The following ASXL3 variants were observed in gnomAD, a reference collection of about 807,000 sequenced individuals.
ASXL3 encodes ASXL transcriptional regulator 3.
Under a neutral mutation model 170.6 loss-of-function variants are expected in ASXL3, and 34 were observed. The ratio of observed to expected loss-of-function variants is 0.20; its 90% CI spans 0.15 to 0.27. ASXL3 has a LOEUF of 0.27. ASXL3 is among the 10% of genes least tolerant of loss of function. The pLI is 1.00. For synonymous variants in ASXL3, 1,002 were observed against 989.1 expected (o/e 1.01, Z -0.24); for missense variants, 2,592 against 2,695.3 (o/e 0.96, Z 0.85).
At chr18:33,583,650 A>T (rs143940961) in intron 1 of ASXL3, among the ~76,000 whole-genome samples, 1 of 152,270 alleles carries the variant, frequency 6.6e-6, no homozygotes, top group African/African-American at 2.4e-5. Context: ...TCCTGCCGAC[A>T]TTAAGTTTTT....
chr18:33,745,873 A>C lies in ASXL3; in HGVS notation c.6025A>C (p.Met2009Leu), dbSNP rs766950276. 3 of 1,613,586 alleles carry C rather than the reference A, an allele frequency of 1.9e-6. No individual in the cohort carries two copies. In the Admixed American group the frequency reaches 5.0e-5, roughly 27 times the overall value. The change falls in exon 12 of 12, where the codon ATG (methionine) becomes CTG (leucine). Residue 2009 changes from methionine (M) to leucine (L), a missense_variant. Around this residue, in one of 4 missense-constraint regions of ASXL3, gnomAD observed 2,246 missense variants for 2,219.6 expected, o/e 1.01. Coordinates refer to ENST00000269197, the MANE Select transcript of ASXL3 (RefSeq NM_030632.3). The part of the protein sequence containing the change: ...GDEVGGTAHT[M>L]PNKALVHPPP... ...TGAGGTGGGAGGCACTGCACACACA[A>C]TGCCAAACAAAGCACTAGTACATCC...
chr18:33,588,071 A>G (rs1351449210), intron 1 of ASXL3, among the ~76,000 whole-genome samples: 2 of 151,790 alleles, frequency 1.3e-5, no homozygotes, highest in African/African-American at 2.4e-5. Context: ...ATGTGTGTGT[A>G]TATATATATA....
At chr18:33,599,337 T>C (rs1314511478) in intron 1 of ASXL3, among the ~76,000 whole-genome samples, 2 of 152,180 alleles carry the variant, frequency 1.3e-5, no homozygotes, top group Admixed American at 6.5e-5. Flanking sequence ...TGGACACTTA[T>C]AAACTGGGTG....
At chr18:33,697,846 A>AAG (rs1348956777) in intron 8 of ASXL3, among the ~76,000 whole-genome samples, 5 of 151,516 alleles carry the variant, frequency 3.3e-5, no homozygotes, top group Non-Finnish European at 7.4e-5. Flanking sequence ...TCTCAAAAAA[A>AAG]TCATAATAAT....
chr18:33,692,135 A>G (rs1316247374), intron 8 of ASXL3, among the ~76,000 whole-genome samples: 1 of 152,212 alleles, frequency 6.6e-6, no homozygotes, highest in African/African-American at 2.4e-5. Context: ...GTCTGTCAAC[A>G]CATAATTTGA....
At chr18:33,712,418 G>A (rs1332065876) in intron 8 of ASXL3, among the ~76,000 whole-genome samples, 3 of 152,156 alleles carry the variant, frequency 2.0e-5, no homozygotes, top group Non-Finnish European at 4.4e-5. Context: ...TTGCAGGCCT[G>A]AAAATAAAGA....
chr18:33,609,559 A>T (rs1278231317), intron 2 of ASXL3, among the ~76,000 whole-genome samples: 1 of 152,030 alleles, frequency 6.6e-6, no homozygotes, highest in Non-Finnish European at 1.5e-5. Flanking sequence ...GAGGGCTTTC[A>T]GCATGCATAG....
At chr18:33,645,150 A>G in intron 3 of ASXL3, 148 bp downstream of exon 3, 4 of 488,288 alleles carry the variant, frequency 8.2e-6, no homozygotes, top group African/African-American at 2.0e-5. Context: ...ATTTCATATT[A>G]AGAATAAACA....
At chr18:33,673,747 T>G (rs956758762) in intron 7 of ASXL3, among the ~76,000 whole-genome samples, 2 of 152,270 alleles carry the variant, frequency 1.3e-5, no homozygotes, top group Admixed American at 1.3e-4. Flanking sequence ...ATACTGAAAG[T>G]CAACTGAAAG....
At chr18:33,590,247 A>G (rs978029603) in intron 1 of ASXL3, among the ~76,000 whole-genome samples, 2 of 151,468 alleles carry the variant, frequency 1.3e-5, no homozygotes, top group Non-Finnish European at 2.9e-5. Context: ...ACGACAGCCT[A>G]AAGACAATCT....
chr18:33,707,075 T>A (rs566265675), intron 8 of ASXL3, among the ~76,000 whole-genome samples: 2 of 151,838 alleles, frequency 1.3e-5, no homozygotes, highest in South Asian at 4.1e-4. Context: ...AGCATCTATT[T>A]ATAGACACTG....
rs756275562 is a variant in ASXL3 at position 33,744,031 on chromosome 18, C to T, written c.4183C>T (p.Leu1395Phe). The T allele has an allele frequency of 1.2e-6, 2 of 1,614,028 alleles. No homozygotes were observed. Among genetic ancestry groups the T allele is most frequent in the East Asian group, 2.2e-5 (1 of 44,882 alleles). Residue 1395 changes from leucine to phenylalanine, a missense_variant, in exon 12 of 12, where the codon CTC becomes TTC. Physicochemically the swap from Leu to Phe is conservative, Grantham distance 22 (BLOSUM62 0). Coordinates refer to ENST00000269197, the MANE Select transcript of ASXL3 (RefSeq NM_030632.3). ...CATGGGTACCACTGTGAGAGCAGCC[C>T]TCAGCTGCAGTGATTCTGTAGCGGT... ...VSMGTTVRAA[L>F]SCSDSVAVTD...
Position 33,734,315 on chromosome 18 carries a change from T to G in ASXL3, c.982T>G (p.Phe328Val). The change falls in exon 10 of 12, where the codon TTT becomes GTT. Residue 328 changes from phenylalanine (F) to valine (V), a missense_variant. Physicochemically the swap from Phe to Val is conservative, Grantham distance 50. This residue lies in a region of ASXL3 where 73 missense variants were observed against 142.7 expected (regional missense o/e 0.51). Coordinates refer to ENST00000269197, the MANE Select transcript of ASXL3 (RefSeq NM_030632.3). ...GWKQRLAEGE[F>V]TPEMQLRIRQ... The stretch of plus-strand genomic sequence containing the variant: ...CATTAGCATTTTCTTTTTAGGAGAG[T>G]TTACCCCAGAAATGCAGTTGCGGAT... 1 of 1,597,626 alleles carries G rather than the reference T, an allele frequency of 6.3e-7. No individual in the cohort carries two copies. The highest frequency in any genetic ancestry group is 1.8e-5 in the Admixed American group (1 of 57,004).
At chr18:33,656,593 A>G (rs2066088023) in intron 4 of ASXL3, among the ~76,000 whole-genome samples, 1 of 152,060 alleles carries the variant, frequency 6.6e-6, no homozygotes, top group African/African-American at 2.4e-5. Flanking sequence ...TGACTTTTAA[A>G]TTTTATTTTT....
chr18:33,642,486 T>A (rs1007998616), intron 2 of ASXL3, among the ~76,000 whole-genome samples: 4 of 151,990 alleles, frequency 2.6e-5, no homozygotes, highest in Admixed American at 2.6e-4. Flanking sequence ...GTGATTTTAG[T>A]TGTAAAATTT....
chr18:33,598,997 C>G (rs943620110), intron 1 of ASXL3, among the ~76,000 whole-genome samples: 2 of 152,044 alleles, frequency 1.3e-5, no homozygotes, highest in Non-Finnish European at 2.9e-5. Context: ...ATTAAATGAA[C>G]TCATATGCAT....
intron 7 of ASXL3, among the ~76,000 whole-genome samples, chr18:33,680,554 G>C (rs2066498968): frequency 6.6e-6 from 1 of 151,998 alleles, no homozygotes; most frequent in Non-Finnish European, 1.5e-5. Flanking sequence ...GGTAATGTAT[G>C]TTAAGACTTT....
intron 1 of ASXL3, among the ~76,000 whole-genome samples, chr18:33,595,030 A>G (rs2065113034): frequency 6.6e-6 from 1 of 152,172 alleles, no homozygotes; most frequent in Non-Finnish European, 1.5e-5. Flanking sequence ...CATTTTGCTT[A>G]AGTCTACTGG....
intron 8 of ASXL3, among the ~76,000 whole-genome samples, chr18:33,726,726 A>T (rs565719876): frequency 4.6e-5 from 7 of 152,172 alleles, no homozygotes; most frequent in Non-Finnish European, 1.0e-4. Context: ...TATTTTTCTA[A>T]ACACAGCAGT....
Sources: allele counts gnomAD v4.1 joint callset (sites outside exome capture counted in the v4.1 genomes callset), GRCh38; gene constraint gnomAD v4.1.1; regional missense constraint gnomAD v4.1.1; transcripts MANE v1.5; gene names NCBI Gene and HGNC (gene_info 2026-07-23, HGNC 2026-07-21).